The following ETV6 variants were observed in gnomAD, a reference collection of about 807,000 sequenced individuals.
ETV6 encodes the protein ETS variant transcription factor 6, also known as transcription factor ETV6.
A neutral mutation model predicts 51.1 loss-of-function variants in ETV6; 16 were observed. That is an observed-to-expected ratio of 0.31 (90% confidence interval 0.21 to 0.48). ETV6 has a LOEUF of 0.48. ETV6 is among the 20% of genes least tolerant of loss of function. The pLI is 0.99. For missense variants in ETV6, 458 were observed against 594.8 expected, an observed-to-expected ratio of 0.77 and a Z score of 2.39; for synonymous variants, 240 against 224.1, an observed-to-expected ratio of 1.07 and a Z score of -0.64.
chr12:11,808,666 G>T (rs908600516), intron 2 of ETV6, among the ~76,000 whole-genome samples: 1 of 152,228 alleles, frequency 6.6e-6, no homozygotes, highest in African/African-American at 2.4e-5. Context: ...GGGTCCTGGA[G>T]CCAATCCCTT....
At chr12:11,756,778 C>T (rs1945014293) in intron 2 of ETV6, among the ~76,000 whole-genome samples, 1 of 152,214 alleles carries the variant, frequency 6.6e-6, no homozygotes, top group Non-Finnish European at 1.5e-5. Flanking sequence ...CCAGCCTGCT[C>T]ATTGGCAGAG....
In ETV6 at chr12:11,892,347, ACAGGAAATTCCT is replaced by A. The variant is rs1486446281; in HGVS notation, c.*1303_*1314del. ...ATCAGTGTGTGCCCAGCCTGGGCAG[ACAGGAAATTCCT>A]CGGATACATTATTTTTTCTTTCTTT... On this transcript the variant is annotated 3_prime_UTR_variant, in exon 8 of 8. Coordinates refer to ENST00000396373, the MANE Select transcript of ETV6 (RefSeq NM_001987.5). 4.3e-6 allele frequency: 1 copy of A among 232,686 alleles called. No homozygotes were observed. Among genetic ancestry groups the A allele is most frequent in the East Asian group, 6.0e-5 (1 of 16,560 alleles). 14.4% of individuals were successfully genotyped at this position (232,686 alleles called of 1,614,324 possible). A position where few individuals can be genotyped will look rare whatever the true frequency, so the allele number is the denominator to read the frequency against.
At chr12:11,754,288 T>C (rs1944973393) in intron 2 of ETV6, among the ~76,000 whole-genome samples, 1 of 152,230 alleles carries the variant, frequency 6.6e-6, no homozygotes. Context: ...CCCCTGCTCT[T>C]GTGGAACTTA....
intron 1 of ETV6, among the ~76,000 whole-genome samples, chr12:11,676,646 A>G (rs534306225): frequency 6.6e-6 from 1 of 152,190 alleles, no homozygotes; most frequent in Admixed American, 6.5e-5. Flanking sequence ...TCTGGATGAG[A>G]TGTCCCTCAT....
chr12:11,784,301 C>T lies in ETV6; in HGVS notation c.163+31722C>T, dbSNP rs144596429. On this transcript the variant is annotated intron_variant, in intron 2 of 7. Transcript: ENST00000396373. Reference sequence around the variant, plus strand: ...AAAATTAGCTGGGCGTGGTGGCACCCGCCTGTAATCCACTACTCAGGAGGC... The same window carrying T: ...AAAATTAGCTGGGCGTGGTGGCACCTGCCTGTAATCCACTACTCAGGAGGC... Among the ~76,000 whole-genome samples the T allele has an allele frequency of 3.9e-5, 6 of 152,072 alleles. No homozygotes were observed. In the South Asian group the frequency reaches 6.3e-4, roughly 16 times the overall value.
intron 1 of ETV6, among the ~76,000 whole-genome samples, chr12:11,739,660 A>G (rs1865772559): frequency 6.6e-6 from 1 of 152,126 alleles, no homozygotes; most frequent in Non-Finnish European, 1.5e-5. Flanking sequence ...CTTAGTATGA[A>G]AAAAACATAA....
At chr12:11,770,191 C>A (rs938380178) in intron 2 of ETV6, among the ~76,000 whole-genome samples, 1 of 152,114 alleles carries the variant, frequency 6.6e-6, no homozygotes, top group East Asian at 1.9e-4. Flanking sequence ...GAACAAGCCT[C>A]GTTGGCCTTG....
At position 11,893,792 on chromosome 12, in the gene ETV6, TTTTATATATATATATATATA is replaced by T. The variant is rs765856157; in HGVS notation, c.*2748_*2767del. The T allele has an allele frequency of 1.2e-3, 50 of 42,220 alleles. 2 individuals carry two copies. Among genetic ancestry groups the T allele is most frequent in the Middle Eastern group, 7.0e-3 (1 of 142 alleles). The allele number at this position is 42,220 out of a possible 1,614,324, so 2.6% of individuals were successfully genotyped here. On this transcript the variant is annotated 3_prime_UTR_variant, in exon 8 of 8. Transcript: ENST00000396373. The stretch of plus-strand genomic sequence containing the variant: ...TTGTGTCCATCCCCAAGATCTCTCA[TTTTATATATATATATATATA>T]TATATATATATATATATATATATAT...
intron 1 of ETV6, among the ~76,000 whole-genome samples, chr12:11,735,338 G>T (rs1040450412): frequency 6.6e-6 from 1 of 152,068 alleles, no homozygotes; most frequent in Admixed American, 6.5e-5. Context: ...TACGGTTATG[G>T]GAGTTGGTCT....
At chr12:11,761,437 G>C (rs1283034916) in intron 2 of ETV6, among the ~76,000 whole-genome samples, 2 of 152,156 alleles carry the variant, frequency 1.3e-5, no homozygotes, top group Non-Finnish European at 2.9e-5. Context: ...GAGGTTCCTT[G>C]TCTATTATTT....
intron 5 of ETV6, among the ~76,000 whole-genome samples, chr12:11,880,205 C>G (rs1947068056): frequency 6.6e-6 from 1 of 152,134 alleles, no homozygotes; most frequent in South Asian, 2.1e-4. Context: ...ATTGCTGTCT[C>G]CGTTAGTGAC....
intron 1 of ETV6, among the ~76,000 whole-genome samples, chr12:11,701,981 G>A (rs1247394585): frequency 6.6e-6 from 1 of 152,202 alleles, no homozygotes; most frequent in Non-Finnish European, 1.5e-5. Flanking sequence ...TATAGAAAGT[G>A]GAGAGAGTGT....
At chr12:11,764,122 A>C (rs1367574260) in intron 2 of ETV6, among the ~76,000 whole-genome samples, 1 of 152,260 alleles carries the variant, frequency 6.6e-6, no homozygotes, top group Non-Finnish European at 1.5e-5. Context: ...GGAGATAGTT[A>C]TGGAGAGAGA....
At chr12:11,716,244 T>G (rs1865274532) in intron 1 of ETV6, among the ~76,000 whole-genome samples, 1 of 133,266 alleles carries the variant, frequency 7.5e-6, no homozygotes, top group Admixed American at 9.6e-5. Context: ...GGCAGGAGAA[T>G]AGCGTGAATC....
intron 2 of ETV6, among the ~76,000 whole-genome samples, chr12:11,811,156 C>T (rs1333821822): frequency 6.6e-6 from 1 of 152,166 alleles, no homozygotes; most frequent in Non-Finnish European, 1.5e-5. Context: ...TTGCTTATAA[C>T]AGGAGCTCAG....
chr12:11,686,304 G>A (rs1169002347), intron 1 of ETV6, among the ~76,000 whole-genome samples: 2 of 152,230 alleles, frequency 1.3e-5, no homozygotes, highest in Admixed American at 6.5e-5. Context: ...GGGATAGAGA[G>A]TTTATGGTAG....
intron 4 of ETV6, among the ~76,000 whole-genome samples, chr12:11,857,207 G>T (rs1946644487): frequency 6.6e-6 from 1 of 152,200 alleles, no homozygotes; most frequent in South Asian, 2.1e-4. Flanking sequence ...GCTCAATCTA[G>T]CACCAGTTCC....
At chr12:11,668,766 T>C (rs1864247555) in intron 1 of ETV6, among the ~76,000 whole-genome samples, 1 of 152,210 alleles carries the variant, frequency 6.6e-6, no homozygotes, top group African/African-American at 2.4e-5. Context: ...ATTGCACAAT[T>C]GCCCGGCCAG....
At chr12:11,844,120 G>C (rs1565548208) in intron 3 of ETV6, among the ~76,000 whole-genome samples, 1 of 151,906 alleles carries the variant, frequency 6.6e-6, no homozygotes, top group East Asian at 1.9e-4. Flanking sequence ...TGACAGGAGG[G>C]AACAGACAGG....
Sources: allele counts gnomAD v4.1 joint callset (sites outside exome capture counted in the v4.1 genomes callset), GRCh38; gene constraint gnomAD v4.1.1; transcripts MANE v1.5; gene names NCBI Gene and HGNC (gene_info 2026-07-23, HGNC 2026-07-21).